SYNPR: variants seen among roughly 807,000 people sequenced by gnomAD.
SYNPR encodes synaptoporin.
Under a neutral mutation model 32.9 loss-of-function variants are expected in SYNPR, and 23 were observed. That is an observed-to-expected ratio of 0.70 (90% CI 0.50 to 0.99). The LOEUF is 0.99. Among genes scored for constraint, SYNPR ranks in the 50% least tolerant of loss-of-function variants. The pLI is 0.00. For synonymous variants in SYNPR, 146 were observed against 135.9 expected (o/e 1.07, Z -0.52); for missense variants, 318 against 349.3 (o/e 0.91, Z 0.71).
intron 2 of SYNPR, among the ~76,000 whole-genome samples, chr3:63,468,184 A>G: frequency 7.0e-6 from 1 of 142,496 alleles, no homozygotes. Context: ...ACAAGAGCAA[A>G]ACTCCATCTC....
chr3:63,467,943 T>C (rs891478510), intron 2 of SYNPR, among the ~76,000 whole-genome samples: 1 of 152,090 alleles, frequency 6.6e-6, no homozygotes, highest in East Asian at 1.9e-4. Context: ...CTCACACCTG[T>C]AATCCCAGCA....
At chr3:63,481,138 T>A (rs1701039527) in intron 3 of SYNPR, among the ~76,000 whole-genome samples, 182 bp downstream of exon 3, 2 of 151,770 alleles carry the variant, frequency 1.3e-5, no homozygotes, top group Non-Finnish European at 2.9e-5. Flanking sequence ...CTGGGAGGAT[T>A]TATGAGTTGT....
intron 2 of SYNPR, among the ~76,000 whole-genome samples, chr3:63,370,535 A>T (rs1436129918): frequency 2.6e-5 from 4 of 152,224 alleles, no homozygotes; most frequent in Non-Finnish European, 5.9e-5. Context: ...CGCCCAAAAA[A>T]TTATGCTGAA....
chr3:63,562,587 T>C (rs750235377), intron 4 of SYNPR, among the ~76,000 whole-genome samples: 3 of 152,192 alleles, frequency 2.0e-5, no homozygotes, highest in African/African-American at 4.8e-5. Flanking sequence ...TCATGACCAG[T>C]GCCTTCCAAA....
intron 2 of SYNPR, among the ~76,000 whole-genome samples, chr3:63,349,112 T>TA (rs1451424279): frequency 1.3e-5 from 2 of 152,100 alleles, no homozygotes; most frequent in Admixed American, 1.3e-4. Context: ...ACATTAATTT[T>TA]TTTTTTTTGA....
intron 2 of SYNPR, among the ~76,000 whole-genome samples, chr3:63,404,389 C>G (rs2088331861): frequency 6.6e-6 from 1 of 152,070 alleles, no homozygotes; most frequent in African/African-American, 2.4e-5. Flanking sequence ...AATAGTCTCA[C>G]ATGAATTATG....
At chr3:63,269,889 T>C (rs2086520302) in intron 3 of SYNPR, among the ~76,000 whole-genome samples, 1 of 152,226 alleles carries the variant, frequency 6.6e-6, no homozygotes, top group African/African-American at 2.4e-5. Context: ...ACAAACATTT[T>C]CTCTGTGCCT....
chr3:63,234,869 A>C (rs1442163527), intron 1 of SYNPR, among the ~76,000 whole-genome samples: 2 of 152,192 alleles, frequency 1.3e-5, no homozygotes, highest in Non-Finnish European at 2.9e-5. Context: ...GGAAATAATG[A>C]GAGGCTCTAT....
In SYNPR at chr3:63,568,737, G is replaced by A. The variant is rs530849709; in HGVS notation, c.408+11996G>A. 3.3e-5 allele frequency among the ~76,000 whole-genome samples: 5 copies of A among 152,250 alleles called. No individual in the cohort carries two copies. The South Asian group carries it at 1.0e-3, about 32-fold the overall frequency. On this transcript the variant is annotated intron_variant, in intron 4 of 5. Transcript: ENST00000478300. Reference sequence around the variant, plus strand: ...CCTCAAGGGGAGAGAAAAAGATAGAGGGAGAGAGAAAGGCTTACCAAGAAG... The same window carrying A: ...CCTCAAGGGGAGAGAAAAAGATAGAAGGAGAGAGAAAGGCTTACCAAGAAG...
intron 2 of SYNPR, among the ~76,000 whole-genome samples, chr3:63,429,953 A>G (rs1699963352): frequency 6.6e-6 from 1 of 152,250 alleles, no homozygotes; most frequent in African/African-American, 2.4e-5. Context: ...AGGAAGAGGA[A>G]TTAGGCTCTA....
intron 3 of SYNPR, among the ~76,000 whole-genome samples, chr3:63,504,393 G>T (rs1413334261): frequency 6.6e-6 from 1 of 152,092 alleles, no homozygotes; most frequent in African/African-American, 2.4e-5. Context: ...CAGAATAGAA[G>T]AAATAAAATG....
chr3:63,573,917 T>A (rs993903049), intron 4 of SYNPR, among the ~76,000 whole-genome samples: 2 of 152,174 alleles, frequency 1.3e-5, no homozygotes, highest in African/African-American at 4.8e-5. Flanking sequence ...ACATTCTAAA[T>A]TTCAAGCTAC....
At chr3:63,422,507 G>A (rs894789842) in intron 2 of SYNPR, among the ~76,000 whole-genome samples, 5 of 152,116 alleles carry the variant, frequency 3.3e-5, no homozygotes, top group African/African-American at 9.7e-5. Flanking sequence ...TGTGGTGCTG[G>A]TTTTATGGGT....
At chr3:63,311,282 G>T (rs1217146926) in intron 2 of SYNPR, among the ~76,000 whole-genome samples, 2 of 151,982 alleles carry the variant, frequency 1.3e-5, no homozygotes, top group African/African-American at 4.8e-5. Context: ...GATAATGGGG[G>T]TAACGGTGGT....
chr3:63,308,168 C>T (rs2086927151), intron 2 of SYNPR, among the ~76,000 whole-genome samples: 1 of 151,898 alleles, frequency 6.6e-6, no homozygotes, highest in Non-Finnish European at 1.5e-5. Flanking sequence ...TGTTTGTTTG[C>T]TTTGTAATTG....
At chr3:63,448,973 C>G (rs1029211144) in intron 2 of SYNPR, among the ~76,000 whole-genome samples, 2 of 152,102 alleles carry the variant, frequency 1.3e-5, no homozygotes, top group Non-Finnish European at 2.9e-5. Context: ...TTATTGTCTG[C>G]TGAAATGGAG....
chr3:63,482,241 GC>G, intron 3 of SYNPR, among the ~76,000 whole-genome samples: 1 of 152,244 alleles, frequency 6.6e-6, no homozygotes, highest in South Asian at 2.1e-4. Flanking sequence ...CAAATGATTG[GC>G]CCAGTGAAAG....
At chr3:63,440,216 G>A (rs1700147839) in intron 2 of SYNPR, among the ~76,000 whole-genome samples, 2 of 152,136 alleles carry the variant, frequency 1.3e-5, no homozygotes, top group African/African-American at 4.8e-5. Context: ...AAGATCTGAG[G>A]AAAGAATGTT....
At position 63,615,368 on chromosome 3, in the gene SYNPR, C is replaced by T. The variant is rs1284815286; in HGVS notation, c.745C>T (p.Gln249Ter). 1.2e-6 allele frequency: 2 copies of T among 1,613,868 alleles called. No homozygotes were observed. Among genetic ancestry groups the T allele is most frequent in the Non-Finnish European group, 1.7e-6 (2 of 1,179,858 alleles). Reference sequence around the variant, plus strand: ...CAGCTATAATCAAGGTGGTTACAACCAAGACAGCTATGGATCAAGCAGTGG... The same window carrying T: ...CAGCTATAATCAAGGTGGTTACAACTAAGACAGCTATGGATCAAGCAGTGG... ...SSSYNQGGYN[Q>*]DSYGSSSGYS... Residue 249 changes from glutamine to a stop codon, truncating the protein, a stop_gained, in exon 6 of 6, where the codon CAA becomes TAA. Transcript: ENST00000478300. LOFTEE classifies it high-confidence loss of function.
Sources: allele counts gnomAD v4.1 joint callset (sites outside exome capture counted in the v4.1 genomes callset), GRCh38; gene constraint gnomAD v4.1.1; transcripts MANE v1.5; gene names NCBI Gene and HGNC (gene_info 2026-07-23, HGNC 2026-07-21).